MMP10: variants seen among roughly 807,000 people sequenced by gnomAD.
MMP10 encodes the protein stromelysin-2.
Under a neutral mutation model 49.1 loss-of-function variants are expected in MMP10, and 50 were observed. The observed-to-expected ratio is 1.02, with a 90% CI of 0.81 to 1.29. MMP10 has a LOEUF of 1.29. MMP10 is among the 50% of genes most tolerant of loss of function. The pLI, the probability that MMP10 is intolerant of heterozygous loss-of-function variation, is 0.00. For missense variants in MMP10, 613 were observed against 563.8 expected, an observed-to-expected ratio of 1.09 and a Z score of -0.88; for synonymous variants, 229 against 201.6, an observed-to-expected ratio of 1.14 and a Z score of -1.15.
At chr11:102,776,206 T>C in intron 6 of MMP10, 74 bp downstream of exon 6, 1 of 1,391,808 alleles carries the variant, frequency 7.2e-7, no homozygotes, top group Non-Finnish European at 9.8e-7. Context: ...AAAAGCTCTG[T>C]CAAGTTTCTG....
At chr11:102,778,828 C>T (rs12146586) in intron 3 of MMP10, 79 bp from the exon 4 acceptor site, 5 of 1,527,576 alleles carry the variant, frequency 3.3e-6, no homozygotes, top group Admixed American at 1.9e-5. Flanking sequence ...ACAGTAGATT[C>T]TATAGTCTGA....
intron 4 of MMP10, among the ~76,000 whole-genome samples, chr11:102,777,688 T>A (rs1334696992): frequency 6.6e-6 from 1 of 152,190 alleles, no homozygotes; most frequent in Admixed American, 6.5e-5. Flanking sequence ...AGATTCAGCT[T>A]TTTAAAAATA....
In MMP10 at chr11:102,779,222, C is replaced by A. The variant is rs779664653; in HGVS notation, c.487G>T (p.Ala163Ser). The change falls in exon 3 of 10, where the codon GCA (alanine) becomes TCA (serine). Residue 163 changes from alanine to serine, a missense_variant. Transcript: ENST00000279441. ...TGCTTTATTTGATTACCTTTAACTG[C>A]AAAAGAGATCATTATATCAGCCTCT... is the stretch of plus-strand genomic sequence containing the variant. ...EGEADIMISF[A>S]VKEHGDFYSF... The A allele has an allele frequency of 6.2e-7, 1 of 1,612,908 alleles. No individual in the cohort carries two copies. Among genetic ancestry groups the A allele is most frequent in the Non-Finnish European group, 8.5e-7 (1 of 1,179,960 alleles).
At chr11:102,773,799 C>T (rs540393143) in intron 7 of MMP10, among the ~76,000 whole-genome samples, 2 of 152,326 alleles carry the variant, frequency 1.3e-5, no homozygotes, top group South Asian at 4.1e-4. Context: ...GTCAGGTGCT[C>T]CCATGGCACC....
At chr11:102,779,107 T>C (rs1857786355) in intron 3 of MMP10, 106 bp downstream of exon 3, 4 of 1,489,118 alleles carry the variant, frequency 2.7e-6, no homozygotes, top group Non-Finnish European at 3.6e-6. Context: ...TCCAGAATTG[T>C]GAGCAATAAA....
Position 102,778,636 on chromosome 11 carries a change from CTG to C in MMP10, c.608_609del (p.Thr203ArgfsTer15). 6.2e-7 allele frequency: 1 copy of C among 1,613,946 alleles called. No homozygotes were observed. The highest frequency in any genetic ancestry group is 8.5e-7 in the Non-Finnish European group (1 of 1,179,924). Reference sequence around the variant, plus strand: ...GTTTACGACCCACCTGATGCATCTTCTGTCCATTTTTCATCATCATCAAAGTG... The same window carrying C: ...GTTTACGACCCACCTGATGCATCTTCTCCATTTTTCATCATCATCAAAGTG... ...DIHFDDDEKW[T>X]EDASGTNLFL... On this transcript the variant is annotated frameshift_variant, in exon 4 of 10. Transcript: ENST00000279441. LOFTEE classifies it high-confidence loss of function.
Position 102,773,000 on chromosome 11 carries a change from T to C in MMP10, c.1073A>G (p.Glu358Gly), listed in dbSNP as rs1861989944. Reference protein sequence around the residue: ...RDTVFIFKGNEFWAIRGNEVQ... With the variant: ...RDTVFIFKGNGFWAIRGNEVQ... The stretch of plus-strand genomic sequence containing the variant: ...CTCATTTCCTCTGATGGCCCAGAAC[T>C]CATTTCCTATTGAAAAAATAAATCC... Residue 358 changes from glutamate (E) to glycine (G), a missense_variant, in exon 8 of 10, where the codon GAG becomes GGG. Glu to Gly is a moderately conservative substitution (Grantham distance 98, BLOSUM62 -2). Coordinates refer to ENST00000279441, the MANE Select transcript of MMP10 (RefSeq NM_002425.3). This position sits in a 1 kb window ranked among gnomAD's most constrained non-coding sequence, Gnocchi z 4.4. 1.9e-6 allele frequency: 3 copies of C among 1,582,094 alleles called. No homozygotes were observed. The highest frequency in any genetic ancestry group is 2.6e-6 in the Non-Finnish European group (3 of 1,169,898).
In MMP10 at chr11:102,770,742, T is replaced by C. The variant is rs1448842469; in HGVS notation, c.*51A>G. ...TTTGGCTCATAATACATTAGATGAA[T>C]AATTATTAGATTTATTAAAAACACC... is the stretch of plus-strand genomic sequence containing the variant. On this transcript the variant is annotated 3_prime_UTR_variant, in exon 10 of 10. Coordinates refer to ENST00000279441, the MANE Select transcript of MMP10 (RefSeq NM_002425.3). 1.6e-6 allele frequency: 2 copies of C among 1,221,920 alleles called. No individual in the cohort carries two copies. Among genetic ancestry groups the C allele is most frequent in the Admixed American group, 2.1e-5 (1 of 47,640 alleles). 75.7% of individuals were successfully genotyped at this position (1,221,920 alleles called of 1,614,324 possible).
intron 7 of MMP10, 96 bp from the exon 8 acceptor site, chr11:102,773,102 T>G (rs1861990951): frequency 8.5e-7 from 1 of 1,174,096 alleles, no homozygotes; most frequent in South Asian, 1.7e-5. Flanking sequence ...GGCTTGGTTT[T>G]AATTCCAACC....
At position 102,775,651 on chromosome 11, in the gene MMP10, A is replaced by G. The variant is rs1488124442; in HGVS notation, c.933-330T>C. On this transcript the variant is annotated intron_variant, in intron 6 of 9. Coordinates refer to ENST00000279441, the MANE Select transcript of MMP10 (RefSeq NM_002425.3). ...AGGAAATTGGTAGCAGTGGTTGCAC[A>G]TATGAAGGGAGCTGGAGGACGGTAG... is the stretch of plus-strand genomic sequence containing the variant. 2.6e-5 allele frequency among the ~76,000 whole-genome samples: 4 copies of G among 152,326 alleles called. No individual in the cohort carries two copies. In the Middle Eastern group the frequency reaches 0.01, roughly 389 times the overall value.
intron 5 of MMP10, 40 bp from the exon 6 acceptor site, chr11:102,776,464 A>C (rs757084809): frequency 1.9e-6 from 3 of 1,601,648 alleles, no homozygotes; most frequent in Non-Finnish European, 2.6e-6. Context: ...ATTAAAAAAA[A>C]ATGTGATGCA....
intron 9 of MMP10, among the ~76,000 whole-genome samples, chr11:102,771,746 G>C (rs1203536524): frequency 3.3e-5 from 5 of 152,012 alleles, no homozygotes; most frequent in Admixed American, 3.3e-4. Context: ...AATGGCTTCT[G>C]TGTGAGGAAG....
intron 6 of MMP10, among the ~76,000 whole-genome samples, chr11:102,775,838 C>T (rs1018574789): frequency 7.9e-5 from 12 of 152,170 alleles, no homozygotes; most frequent in Admixed American, 3.3e-4. Context: ...TCCACCAGTG[C>T]TTTCTGAAGA....
In MMP10 at chr11:102,772,740, A is replaced by T; in HGVS notation, c.1226+107T>A. ...TCTTCCTCATAATCATAAATTTTGA[A>T]GTTAGAGAAAGTTAGAGGGTGGGTG... On this transcript the variant is annotated intron_variant, in intron 8 of 9. Transcript: ENST00000279441. This position sits in a 1 kb window ranked among gnomAD's most constrained non-coding sequence, Gnocchi z 4.4. The T allele has an allele frequency of 8.8e-7, 1 of 1,140,398 alleles. No individual in the cohort carries two copies. Among genetic ancestry groups the T allele is most frequent in the Non-Finnish European group, 1.2e-6 (1 of 809,386 alleles). 70.6% of individuals were successfully genotyped at this position (1,140,398 alleles called of 1,614,324 possible).
At chr11:102,771,281 C>T (rs1259284680) in intron 9 of MMP10, among the ~76,000 whole-genome samples, 1 of 152,162 alleles carries the variant, frequency 6.6e-6, no homozygotes, top group Non-Finnish European at 1.5e-5. Context: ...CTCCCCTCTT[C>T]TGCTAGGTTC....
In MMP10 at chr11:102,779,342, C is replaced by A; in HGVS notation, c.367G>T (p.Asp123Tyr). The A allele has an allele frequency of 6.2e-7, 1 of 1,614,096 alleles. No individual in the cohort carries two copies. Among genetic ancestry groups the A allele is most frequent in the Non-Finnish European group, 8.5e-7 (1 of 1,180,002 alleles). Residue 123 changes from aspartate to tyrosine, a missense_variant, in exon 3 of 10, where the codon GAT (aspartate) becomes TAT (tyrosine). Asp to Tyr is a radical substitution (Grantham distance 160, BLOSUM62 -3). Coordinates refer to ENST00000279441, the MANE Select transcript of MMP10 (RefSeq NM_002425.3). ...GAATCAACAGCATCTCTTGGCAAAT[C>A]TGGTGTATAATTCACAATCCTGGAG... is the stretch of plus-strand genomic sequence containing the variant. ...LTYRIVNYTPDLPRDAVDSAI... is the reference protein window; with the variant it reads ...LTYRIVNYTPYLPRDAVDSAI...
chr11:102,774,113 C>G, intron 7 of MMP10, among the ~76,000 whole-genome samples: 1 of 152,048 alleles, frequency 6.6e-6, no homozygotes. Context: ...ATTCCATTAT[C>G]ACCTATGAGT....
At chr11:102,771,259 T>G (rs1046332663) in intron 9 of MMP10, among the ~76,000 whole-genome samples, 1 of 152,194 alleles carries the variant, frequency 6.6e-6, no homozygotes, top group African/African-American at 2.4e-5. Context: ...CTTGTTTTAC[T>G]TTCTTTCCAA....
intron 6 of MMP10, among the ~76,000 whole-genome samples, chr11:102,775,969 G>A (rs1857724523): frequency 6.6e-6 from 1 of 151,956 alleles, no homozygotes; most frequent in East Asian, 1.9e-4. Context: ...AAATGATCTG[G>A]ACAATTCTAA....
Sources: allele counts gnomAD v4.1 joint callset (sites outside exome capture counted in the v4.1 genomes callset), GRCh38; gene constraint gnomAD v4.1.1; non-coding constraint Gnocchi (gnomAD v3.1); transcripts MANE v1.5; gene names NCBI Gene and HGNC (gene_info 2026-07-23, HGNC 2026-07-21).